MOK: variants seen among roughly 807,000 people sequenced by gnomAD.
MOK encodes the protein MAPK/MAK/MRK overlapping kinase.
Under a neutral mutation model 54.2 loss-of-function variants are expected in MOK, and 59 were observed. That is an observed-to-expected ratio of 1.09 (90% CI 0.88 to 1.35). The LOEUF is 1.35. Ranked by LOEUF, MOK falls within the 40% of genes most tolerant of loss-of-function variation. MOK has a pLI of 0.00. For synonymous variants in MOK, 210 were observed against 202.7 expected, an observed-to-expected ratio of 1.04 and a Z score of -0.31; for missense variants, 517 against 526.2, an observed-to-expected ratio of 0.98 and a Z score of 0.17.
At chr14:102,285,721 G>GA (rs1373180880) in intron 1 of MOK, among the ~76,000 whole-genome samples, 2 of 151,948 alleles carry the variant, frequency 1.3e-5, no homozygotes, top group African/African-American at 4.8e-5. Flanking sequence ...GTGAAACCAC[G>GA]TCTCTACTAA....
At chr14:102,285,229 C>T (rs2069912822) in intron 1 of MOK, among the ~76,000 whole-genome samples, 2 of 152,096 alleles carry the variant, frequency 1.3e-5, no homozygotes, top group Non-Finnish European at 2.9e-5. Flanking sequence ...TAAAAGAGGC[C>T]TTCACTTCAG....
chr14:102,229,040 A>G lies in MOK; in HGVS notation c.*249T>C. ...AGTTACAAAGTATTTCCTGCCCCAA[A>G]TTCTTAACGAAAATGAAAGAAAACC... On this transcript the variant is annotated 3_prime_UTR_variant, in exon 12 of 12. Transcript: ENST00000361847. 2.0e-6 allele frequency: 1 copy of G among 502,004 alleles called. No homozygotes were observed. The highest frequency in any genetic ancestry group is 5.1e-4 in the Middle Eastern group (1 of 1,970). The allele number at this position is 502,004 out of a possible 1,614,324, so 31.1% of individuals were successfully genotyped here.
intron 1 of MOK, among the ~76,000 whole-genome samples, chr14:102,292,474 AAAAAC>A (rs538860615): frequency 2.0e-3 from 300 of 152,156 alleles, no homozygotes; most frequent in Middle Eastern, 0.01. Flanking sequence ...CTCCATCTCA[AAAAAC>A]AAAACAAAAC....
downstream of MOK, among the ~76,000 whole-genome samples, chr14:102,227,330 C>T (rs2064289848): frequency 1.3e-5 from 2 of 150,968 alleles, no homozygotes; most frequent in South Asian, 2.1e-4. Context: ...CTGCGCGCCG[C>T]CCCCCCTACA....
chr14:102,298,970 A>T (rs2071810787), intron 1 of MOK, among the ~76,000 whole-genome samples: 1 of 152,182 alleles, frequency 6.6e-6, no homozygotes, highest in Non-Finnish European at 1.5e-5. Flanking sequence ...TGAGACCACG[A>T]ACCCACCAGA....
chr14:102,218,909 C>T, the MOK span, among the ~76,000 whole-genome samples: 5,223 of 152,332 alleles, frequency 0.034, 134 homozygotes, highest in Non-Finnish European at 0.053. Context: ...GAAGCGTGGG[C>T]GGGCTCCCCT....
At chr14:102,288,537 T>C (rs1156772262) in intron 1 of MOK, among the ~76,000 whole-genome samples, 1 of 152,186 alleles carries the variant, frequency 6.6e-6, no homozygotes, top group Non-Finnish European at 1.5e-5. Flanking sequence ...TGGTGGAATG[T>C]GGGATAAAGG....
rs751249685 is a variant in MOK, at chr14:102,247,910, C to A, written c.590+2902G>T. ...TGGCTAATGCCCCTCTTAGGCCCAG[C>A]CATAACCATTCTTCTTTTTCTAGCA... is the stretch of plus-strand genomic sequence containing the variant. On this transcript the variant is annotated intron_variant, in intron 7 of 11. Transcript: ENST00000361847. Among the ~76,000 whole-genome samples the A allele has an allele frequency of 7.0e-4, 107 of 152,216 alleles. 1 individual carries two copies. The highest frequency in any genetic ancestry group is 2.2e-4 in the Non-Finnish European group (15 of 68,022).
At chr14:102,253,057 C>G (rs546863154) in intron 4 of MOK, among the ~76,000 whole-genome samples, 1 of 152,328 alleles carries the variant, frequency 6.6e-6, no homozygotes, top group African/African-American at 2.4e-5. Flanking sequence ...TGCTGCTGCT[C>G]TAGCACACGT....
chr14:102,254,799 C>G (rs1458873286), intron 4 of MOK, among the ~76,000 whole-genome samples: 2 of 152,168 alleles, frequency 1.3e-5, no homozygotes, highest in African/African-American at 4.8e-5. Context: ...TCTTGTTTAT[C>G]GAATGCTCAG....
intron 7 of MOK, among the ~76,000 whole-genome samples, chr14:102,243,976 C>G (rs550795956): frequency 6.6e-6 from 1 of 152,370 alleles, no homozygotes; most frequent in South Asian, 2.1e-4. Context: ...TGCAAAGGAA[C>G]TACGCATCAA....
At chr14:102,246,054 T>G (rs2066066961) in intron 7 of MOK, 1 of 152,364 alleles carries the variant, frequency 6.6e-6, no homozygotes, top group South Asian at 2.1e-4. Context: ...TTATAATACT[T>G]ACCCTATTGT....
intron 1 of MOK, among the ~76,000 whole-genome samples, chr14:102,287,234 C>T (rs1180576846): frequency 1.3e-5 from 2 of 152,124 alleles, no homozygotes; most frequent in Non-Finnish European, 2.9e-5. Context: ...TTTGGGAAGC[C>T]GAAGCAGGCA....
Position 102,249,638 on chromosome 14 carries a change from G to A in MOK, c.590+1174C>T, listed in dbSNP as rs1027824375. On this transcript the variant is annotated intron_variant, in intron 7 of 11. Coordinates refer to ENST00000361847, the MANE Select transcript of MOK (RefSeq NM_014226.3). This position sits in a 1 kb window ranked among gnomAD's most constrained non-coding sequence, Gnocchi z 5.3. ...GCAGGAGAATCGCTAGAACCCGGGAGGCGGAGGCTGCGGTGAGCCAAGATC... is the reference window on the plus strand; with the variant it reads ...GCAGGAGAATCGCTAGAACCCGGGAAGCGGAGGCTGCGGTGAGCCAAGATC... Among the ~76,000 whole-genome samples, 1 of 152,220 alleles carries A rather than the reference G, an allele frequency of 6.6e-6. No homozygotes were observed. Among genetic ancestry groups the A allele is most frequent in the Non-Finnish European group, 1.5e-5 (1 of 68,030 alleles).
chr14:102,262,198 T>G (rs897824449), intron 4 of MOK, among the ~76,000 whole-genome samples: 1 of 152,070 alleles, frequency 6.6e-6, no homozygotes, highest in Non-Finnish European at 1.5e-5. Flanking sequence ...CAGGCTGGAG[T>G]GCAGTGGAAC....
intron 4 of MOK, among the ~76,000 whole-genome samples, chr14:102,254,247 C>G (rs1015118786): frequency 6.6e-6 from 1 of 152,206 alleles, no homozygotes; most frequent in Admixed American, 6.5e-5. Context: ...CTCGGCCTCC[C>G]GAAGTGCTGG....
In MOK at chr14:102,287,195, G is replaced by A. The variant is rs139276033; in HGVS notation, c.8-3603C>T. 5.3e-3 allele frequency among the ~76,000 whole-genome samples: 804 copies of A among 152,258 alleles called. 4 individuals carry two copies. Among genetic ancestry groups the A allele is most frequent in the Middle Eastern group, 0.014 (4 of 294 alleles). ...ATGGATTTATGAGGGTTCAGTGGGC[G>A]TGGTGGCTCACGCCTGTCATCCCAG... is the stretch of plus-strand genomic sequence containing the variant. On this transcript the variant is annotated intron_variant, in intron 1 of 11. Coordinates refer to ENST00000361847, the MANE Select transcript of MOK (RefSeq NM_014226.3).
At position 102,235,941 on chromosome 14, in the gene MOK, T is replaced by C. The variant is rs2065183541; in HGVS notation, c.591-2152A>G. 6.6e-6 allele frequency among the ~76,000 whole-genome samples: 1 copy of C among 152,086 alleles called. No homozygotes were observed. Among genetic ancestry groups the C allele is most frequent in the African/African-American group, 2.4e-5 (1 of 41,400 alleles). On this transcript the variant is annotated intron_variant, in intron 7 of 11. Coordinates refer to ENST00000361847, the MANE Select transcript of MOK (RefSeq NM_014226.3). This position sits in a 1 kb window ranked among gnomAD's most constrained non-coding sequence, Gnocchi z 4.4. The stretch of plus-strand genomic sequence containing the variant: ...ACCAGCTTCTAGCAGCGGCTGTCCA[T>C]CAACCCAGCCGTATCACCCAAGGGC...
At chr14:102,278,240 T>C (rs930528194) in intron 2 of MOK, among the ~76,000 whole-genome samples, 2 of 152,170 alleles carry the variant, frequency 1.3e-5, no homozygotes, top group African/African-American at 2.4e-5. Flanking sequence ...TAATTTGTTA[T>C]AGCAGCCCAA....
Sources: allele counts gnomAD v4.1 joint callset (sites outside exome capture counted in the v4.1 genomes callset), GRCh38; gene constraint gnomAD v4.1.1; non-coding constraint Gnocchi (gnomAD v3.1); transcripts MANE v1.5; gene names NCBI Gene and HGNC (gene_info 2026-07-23, HGNC 2026-07-21).